The following LPAR3 variants were observed in gnomAD, a reference collection of about 807,000 sequenced individuals.
The protein encoded by LPAR3 is lysophosphatidic acid receptor 3.
Under a neutral mutation model 17.8 loss-of-function variants are expected in LPAR3, and 7 were observed. The ratio of observed to expected loss-of-function variants is 0.39; its 90% CI spans 0.22 to 0.74. The LOEUF (loss-of-function observed/expected upper bound fraction) is 0.74. LPAR3 is among the 30% of genes least tolerant of loss of function. The pLI is 0.40. For synonymous variants in LPAR3, 179 were observed against 179.9 expected (o/e 0.99, Z 0.04); for missense variants, 391 against 453.4 (o/e 0.86, Z 1.25).
intron 1 of LPAR3, among the ~76,000 whole-genome samples, chr1:84,880,486 A>G (rs1660343681): frequency 6.6e-6 from 1 of 152,210 alleles, no homozygotes; most frequent in South Asian, 2.1e-4. Context: ...CCTCTCAGTA[A>G]ACTGTTGCAA....
chr1:84,885,433 G>T (rs1022794537), intron 1 of LPAR3, among the ~76,000 whole-genome samples: 1 of 152,246 alleles, frequency 6.6e-6, no homozygotes, highest in Non-Finnish European at 1.5e-5. Context: ...TGGTGAGAAT[G>T]TAAACTGATA....
intron 1 of LPAR3, among the ~76,000 whole-genome samples, chr1:84,892,375 A>C (rs1660569358): frequency 6.6e-6 from 1 of 152,178 alleles, no homozygotes; most frequent in Admixed American, 6.5e-5. Context: ...ATTTCTAAGC[A>C]ATTTTGTGTA....
chr1:84,844,249 T>C (rs1462520517), intron 2 of LPAR3, among the ~76,000 whole-genome samples: 1 of 152,266 alleles, frequency 6.6e-6, no homozygotes, highest in East Asian at 1.9e-4. Context: ...TACTCTTCTA[T>C]GCTTCCTGCC....
At chr1:84,889,182 C>T (rs12142336) in intron 1 of LPAR3, among the ~76,000 whole-genome samples, 111,362 of 151,860 alleles carry the variant, frequency 0.73, 41,373 homozygotes, top group East Asian at 0.85. Flanking sequence ...AGAACCTTCC[C>T]CTCAATGGTA....
chr1:84,840,796 A>C (rs547582365), intron 2 of LPAR3, among the ~76,000 whole-genome samples: 1 of 152,348 alleles, frequency 6.6e-6, no homozygotes, highest in African/African-American at 2.4e-5. Context: ...GTTTAAGAAA[A>C]GATATAATCA....
chr1:84,876,400 A>G (rs1660258540), intron 1 of LPAR3, among the ~76,000 whole-genome samples: 1 of 152,096 alleles, frequency 6.6e-6, no homozygotes, highest in African/African-American at 2.4e-5. Flanking sequence ...AGGAACAGCA[A>G]GAGATTGGAA....
intron 2 of LPAR3, among the ~76,000 whole-genome samples, chr1:84,818,741 C>T (rs1373203430): frequency 6.6e-6 from 1 of 152,170 alleles, no homozygotes; most frequent in African/African-American, 2.4e-5. Context: ...ACGTATCATA[C>T]ATTTTGGGCT....
At chr1:84,820,781 T>C (rs865975997) in intron 2 of LPAR3, among the ~76,000 whole-genome samples, 1 of 152,206 alleles carries the variant, frequency 6.6e-6, no homozygotes, top group Non-Finnish European at 1.5e-5. Context: ...GTGTGAGTTA[T>C]GTACCACCCT....
rs1436277643 is a variant in LPAR3, at chr1:84,813,152, T to TAGAGAGAG, written c.*693_*694insCTCTCTCT. ...ATATATATATATATATATATATATATATATATAGACACACACACACACACA... is the reference window on the plus strand; with the variant it reads ...ATATATATATATATATATATATATATAGAGAGAGATATATAGACACACACACACACACA... On this transcript the variant is annotated 3_prime_UTR_variant, in exon 3 of 3. Transcript: ENST00000370611. 2 of 110,838 alleles carry TAGAGAGAG rather than the reference T, an allele frequency of 1.8e-5. No individual in the cohort carries two copies. Among genetic ancestry groups the TAGAGAGAG allele is most frequent in the Non-Finnish European group, 3.7e-5 (2 of 54,774 alleles). The allele number at this position is 110,838 out of a possible 1,614,324, so 6.9% of individuals were successfully genotyped here.
chr1:84,884,911 C>T (rs1660429938), intron 1 of LPAR3, among the ~76,000 whole-genome samples: 1 of 152,184 alleles, frequency 6.6e-6, no homozygotes, highest in African/African-American at 2.4e-5. Context: ...TAGTGGATTC[C>T]ACCTAACCTT....
At chr1:84,873,162 C>T (rs1009712585) in intron 1 of LPAR3, among the ~76,000 whole-genome samples, 12 of 152,084 alleles carry the variant, frequency 7.9e-5, no homozygotes, top group African/African-American at 2.9e-4. Context: ...CCCGGAACAC[C>T]GAAAGGATAG....
chr1:84,832,893 A>G (rs1659315969), intron 2 of LPAR3, among the ~76,000 whole-genome samples: 1 of 152,364 alleles, frequency 6.6e-6, no homozygotes, highest in Admixed American at 6.5e-5. Flanking sequence ...GTTTGAAAGA[A>G]TCCTCTATTT....
At chr1:84,837,025 A>ATTTT (rs397775811) in intron 2 of LPAR3, among the ~76,000 whole-genome samples, 18 of 141,392 alleles carry the variant, frequency 1.3e-4, no homozygotes, top group Admixed American at 5.0e-4. Context: ...TACTTTATCA[A>ATTTT]TTTTTTTTTT....
intron 2 of LPAR3, among the ~76,000 whole-genome samples, chr1:84,818,683 G>A (rs762730242): frequency 5.3e-5 from 8 of 152,120 alleles, no homozygotes; most frequent in Non-Finnish European, 1.0e-4. Context: ...CGTATCTTTA[G>A]AGCTTCCTGG....
intron 2 of LPAR3, among the ~76,000 whole-genome samples, chr1:84,864,336 AT>A (rs1660000441): frequency 6.6e-6 from 1 of 152,146 alleles, no homozygotes; most frequent in South Asian, 2.1e-4. Context: ...GGGGTTGCAA[AT>A]TTCTTTTGTG....
intron 1 of LPAR3, among the ~76,000 whole-genome samples, chr1:84,876,760 A>G (rs539743862): frequency 5.7e-4 from 87 of 152,348 alleles, no homozygotes; most frequent in African/African-American, 2.0e-3. Context: ...TTGAAAAGTC[A>G]TACATGTTAT....
At chr1:84,816,030 C>A (rs1003293987) in intron 2 of LPAR3, among the ~76,000 whole-genome samples, 4 of 152,162 alleles carry the variant, frequency 2.6e-5, no homozygotes, top group Non-Finnish European at 5.9e-5. Flanking sequence ...CATGTCATTG[C>A]GCTGGGCTCA....
Position 84,814,169 on chromosome 1 carries a change from C to G in LPAR3, c.739G>C (p.Ala247Pro). Residue 247 changes from alanine to proline, a missense_variant and splice_region_variant, in exon 3 of 3, where the codon GCG becomes CCG. By Grantham distance (27) the Ala-to-Pro change is conservative. Coordinates refer to ENST00000370611, the MANE Select transcript of LPAR3 (RefSeq NM_012152.3). ...CCCGGGGTCCAGCATACCACAAACG[C>G]CCCTGCAAGGAGAGAAGAGGAGGCA... ...LMKTVMTVLG[A>P]FVVCWTPGLV... 2 of 1,613,132 alleles carry G rather than the reference C, an allele frequency of 1.2e-6. No individual in the cohort carries two copies. Among genetic ancestry groups the G allele is most frequent in the Non-Finnish European group, 1.7e-6 (2 of 1,179,560 alleles).
chr1:84,889,097 C>A (rs1411208222), intron 1 of LPAR3, among the ~76,000 whole-genome samples: 1 of 151,758 alleles, frequency 6.6e-6, no homozygotes, highest in African/African-American at 2.4e-5. Context: ...AAGAGGCCAG[C>A]CAAGGAAGAG....
Sources: gnomAD v4.1 joint callset for allele counts (sites outside exome capture counted in the v4.1 genomes callset) on GRCh38, gnomAD v4.1.1 for gene constraint, MANE v1.5 for transcripts, NCBI Gene and HGNC (gene_info 2026-07-23, HGNC 2026-07-21) for gene names.